EYA4: variants seen among roughly 807,000 people sequenced by gnomAD.
EYA4 encodes protein phosphatase EYA4.
Under a neutral mutation model 87.9 loss-of-function variants are expected in EYA4, and 31 were observed. The observed-to-expected ratio is 0.35, with a 90% confidence interval of 0.27 to 0.48. The LOEUF is 0.48. EYA4 is among the 20% of genes least tolerant of loss of function. The pLI is 0.99. For synonymous variants in EYA4, 263 were observed against 270.6 expected, an observed-to-expected ratio of 0.97 and a Z score of 0.28; for missense variants, 678 against 761.4, an observed-to-expected ratio of 0.89 and a Z score of 1.29.
Position 133,257,382 on chromosome 6 carries a change from A to G in EYA4, c.-66+15633A>G, listed in dbSNP as rs116061545. The stretch of plus-strand genomic sequence containing the variant: ...TGAGGCCTGTGATGATAACACTTCA[A>G]CTGGCTTGAATATTAATTTGATACT... On this transcript the variant is annotated intron_variant, in intron 1 of 19. Coordinates refer to ENST00000355286, the MANE Select transcript of EYA4 (RefSeq NM_004100.5). Among the ~76,000 whole-genome samples, 178 of 152,308 alleles carry G rather than the reference A, an allele frequency of 1.2e-3. 2 individuals carry two copies. Among genetic ancestry groups the G allele is most frequent in the African/African-American group, 4.1e-3 (170 of 41,580 alleles).
At chr6:133,386,822 T>G (rs1190075900) in intron 3 of EYA4, among the ~76,000 whole-genome samples, 1 of 152,114 alleles carries the variant, frequency 6.6e-6, no homozygotes, top group Non-Finnish European at 1.5e-5. Context: ...TAGGAAGAAC[T>G]TGTGGTATGT....
intron 2 of EYA4, among the ~76,000 whole-genome samples, chr6:133,297,058 T>C (rs1405061862): frequency 6.6e-6 from 1 of 152,246 alleles, no homozygotes; most frequent in Non-Finnish European, 1.5e-5. Flanking sequence ...GGTGAATTCA[T>C]GCATTAATTC....
chr6:133,287,360 T>C (rs1277970243), intron 2 of EYA4, among the ~76,000 whole-genome samples: 2 of 152,204 alleles, frequency 1.3e-5, no homozygotes, highest in Non-Finnish European at 2.9e-5. Context: ...AGAATGAATT[T>C]GTATGGACAG....
chr6:133,381,075 C>CTTTTTT (rs5880181), intron 2 of EYA4, among the ~76,000 whole-genome samples: 3 of 96,820 alleles, frequency 3.1e-5, no homozygotes, highest in Admixed American at 1.4e-4. Context: ...TTTTTTTTTT[C>CTTTTTT]TTTTTTTTTT....
At chr6:133,501,805 T>C (rs1316992307) in intron 13 of EYA4, among the ~76,000 whole-genome samples, 2 of 152,178 alleles carry the variant, frequency 1.3e-5, no homozygotes, top group Non-Finnish European at 2.9e-5. Context: ...TCTCCAGAGA[T>C]ATTTTTACAG....
intron 3 of EYA4, among the ~76,000 whole-genome samples, chr6:133,401,207 A>G (rs986539409): frequency 6.6e-6 from 1 of 152,150 alleles, no homozygotes; most frequent in African/African-American, 2.4e-5. Flanking sequence ...ATAAGGATAG[A>G]GAGTAGATTG....
intron 2 of EYA4, among the ~76,000 whole-genome samples, chr6:133,333,533 C>T (rs1441678333): frequency 2.6e-5 from 4 of 152,122 alleles, no homozygotes; most frequent in Non-Finnish European, 5.9e-5. Flanking sequence ...TTGACTAAGA[C>T]ATTATATCTA....
chr6:133,530,501 T>C lies in EYA4; in HGVS notation c.*1696T>C, dbSNP rs1800947290. The stretch of plus-strand genomic sequence containing the variant: ...GTTTAAAATGTCATAATGTGGATCC[T>C]GGAGTCAGGCTACTAGTCAGTGCCC... On this transcript the variant is annotated 3_prime_UTR_variant, in exon 20 of 20. Coordinates refer to ENST00000355286, the MANE Select transcript of EYA4 (RefSeq NM_004100.5). 1 of 985,690 alleles carries C rather than the reference T, an allele frequency of 1.0e-6. No individual in the cohort carries two copies. Among genetic ancestry groups the C allele is most frequent in the Non-Finnish European group, 1.2e-6 (1 of 829,878 alleles). 61.1% of individuals were successfully genotyped at this position (985,690 alleles called of 1,614,324 possible). A position where few individuals can be genotyped will look rare whatever the true frequency, so the allele number is the denominator to read the frequency against.
At chr6:133,468,450 CAG>C in intron 10 of EYA4, 114 bp from the exon 11 acceptor site, 1 of 867,216 alleles carries the variant, frequency 1.2e-6, no homozygotes, top group Non-Finnish European at 1.9e-6. Context: ...GCTGTGGACT[CAG>C]AAACAAATGG....
Position 133,382,069 on chromosome 6 carries a change from C to G in EYA4, c.34-323C>G, listed in dbSNP as rs576749767. 2.0e-5 allele frequency among the ~76,000 whole-genome samples: 3 copies of G among 152,262 alleles called. No individual in the cohort carries two copies. The East Asian group carries it at 5.8e-4, about 29-fold the overall frequency. ...AGCAGTATCAGTTGGAAAAACATTT[C>G]TTAGTGGATTGAGAACAGTATGCTT... is the stretch of plus-strand genomic sequence containing the variant. On this transcript the variant is annotated intron_variant, in intron 2 of 19. Transcript: ENST00000355286.
intron 3 of EYA4, among the ~76,000 whole-genome samples, chr6:133,385,703 G>A: frequency 6.6e-6 from 1 of 152,116 alleles, no homozygotes. Flanking sequence ...TGTTTTTACA[G>A]TAGGGAAATA....
chr6:133,339,887 A>G (rs1782655146), intron 2 of EYA4, among the ~76,000 whole-genome samples: 1 of 152,206 alleles, frequency 6.6e-6, no homozygotes, highest in Non-Finnish European at 1.5e-5. Flanking sequence ...CTTACAAGGC[A>G]GAAATGCTTA....
chr6:133,518,605 C>T (rs1160819438), intron 17 of EYA4, among the ~76,000 whole-genome samples: 9 of 152,048 alleles, frequency 5.9e-5, no homozygotes, highest in Admixed American at 4.6e-4. Flanking sequence ...CTCAGAATAA[C>T]GAAAGATGTA....
chr6:133,253,020 T>TG (rs1775047440), intron 1 of EYA4, among the ~76,000 whole-genome samples: 1 of 151,828 alleles, frequency 6.6e-6, no homozygotes, highest in Non-Finnish European at 1.5e-5. Context: ...TCCTTTGATT[T>TG]GTGCTTTAAT....
chr6:133,486,559 CA>C (rs139057308), intron 13 of EYA4, among the ~76,000 whole-genome samples: 23,535 of 150,274 alleles, frequency 0.16, 2,087 homozygotes, highest in African/African-American at 0.23. Context: ...CAAAACAAAA[CA>C]AAAAAAAACA....
intron 3 of EYA4, among the ~76,000 whole-genome samples, chr6:133,431,649 C>CCA (rs911427462): frequency 4.9e-4 from 75 of 152,236 alleles, no homozygotes; most frequent in African/African-American, 1.6e-3. Context: ...GGACAAATTA[C>CCA]CAGATTATTG....
intron 3 of EYA4, among the ~76,000 whole-genome samples, chr6:133,398,529 T>C (rs1787992177): frequency 6.6e-6 from 1 of 152,222 alleles, no homozygotes; most frequent in Admixed American, 6.6e-5. Context: ...CCTCATATTT[T>C]CATGTTGCCT....
chr6:133,414,616 T>A (rs1431567313), intron 3 of EYA4, among the ~76,000 whole-genome samples: 1 of 152,160 alleles, frequency 6.6e-6, no homozygotes, highest in Non-Finnish European at 1.5e-5. Flanking sequence ...TTCACCTGGC[T>A]TCCTCCTTTC....
At chr6:133,371,843 T>C (rs369331118) in intron 2 of EYA4, among the ~76,000 whole-genome samples, 22 of 152,088 alleles carry the variant, frequency 1.4e-4, no homozygotes, top group East Asian at 9.6e-4. Flanking sequence ...CCAGGATAAA[T>C]TGTCCTTAGA....
Sources: gnomAD v4.1 joint callset for allele counts (sites outside exome capture counted in the v4.1 genomes callset) on GRCh38, gnomAD v4.1.1 for gene constraint, MANE v1.5 for transcripts, NCBI Gene and HGNC (gene_info 2026-07-23, HGNC 2026-07-21) for gene names.